The following FRMPD4 variants were observed in gnomAD, a reference collection of about 807,000 sequenced individuals.
The protein encoded by FRMPD4 is FERM and PDZ domain-containing protein 4.
FRMPD4 carries 22 observed loss-of-function variants against 94.1 expected under a neutral mutation model. The ratio of observed to expected loss-of-function variants is 0.23; its 90% CI spans 0.17 to 0.33. The LOEUF is 0.33. Among genes scored for constraint, FRMPD4 ranks in the 10% least tolerant of loss-of-function variants. FRMPD4 has a pLI of 1.00. For missense variants in FRMPD4, 1,111 were observed against 1,339.9 expected (o/e 0.83, Z 2.67); for synonymous variants, 631 against 548.6 (o/e 1.15, Z -2.10).
At chrX:11,943,023 T>A (rs2054170026) in intron 3 of FRMPD4, among the ~76,000 whole-genome samples, 1 of 112,080 alleles carries the variant, frequency 8.9e-6, no homozygotes, top group South Asian at 3.7e-4. Context: ...ATTTGGTAAG[T>A]GGCATAAAAG....
intron 1 of FRMPD4, among the ~76,000 whole-genome samples, chrX:12,418,346 C>CTTTTTT (rs1569268568): frequency 3.0e-4 from 17 of 57,458 alleles, no homozygotes; most frequent in Admixed American, 2.4e-4. Context: ...ATCAGTGTTT[C>CTTTTTT]TTTCTTTTTT....
intron 4 of FRMPD4, among the ~76,000 whole-genome samples, chrX:12,647,171 T>C (rs915119633): frequency 2.7e-5 from 3 of 112,193 alleles, no homozygotes; most frequent in Non-Finnish European, 5.6e-5. Context: ...CTATGACTAA[T>C]TGATCTTAGT....
At chrX:12,482,949 G>C (rs894149278) in intron 1 of FRMPD4, among the ~76,000 whole-genome samples, 2 of 111,916 alleles carry the variant, frequency 1.8e-5, no homozygotes, top group Non-Finnish European at 3.8e-5. Flanking sequence ...CTTGGAGGAT[G>C]AACAATTAAA....
In FRMPD4 at chrX:12,721,064, C is replaced by T. The variant is rs1224264192; in HGVS notation, c.4495C>T (p.Arg1499Trp). The change falls in exon 17 of 17, where the codon CGG becomes TGG. Residue 1499 changes from arginine (R) to tryptophan (W), a missense_variant. Coordinates refer to ENST00000675598, the MANE Select transcript of FRMPD4 (RefSeq NM_001368397.1). Reference sequence around the variant, plus strand: ...GCTGGAGGGCAGCAATTGGAGATGCCGGGGACCCTTCAGCTATTGCTTCCT... The same window carrying T: ...GCTGGAGGGCAGCAATTGGAGATGCTGGGGACCCTTCAGCTATTGCTTCCT... ...RKLEGSNWRC[R>W]GPFSYCFLNR... 8.0e-6 allele frequency: 6 copies of T among 753,828 alleles called. No homozygotes were observed. The highest frequency in any genetic ancestry group is 3.1e-4 in the East Asian group (2 of 6,552). The allele number at this position is 753,828 out of a possible 1,213,427, so 62.1% of individuals were successfully genotyped here. A position where few individuals can be genotyped will look rare whatever the true frequency, so the allele number is the denominator to read the frequency against.
intron 2 of FRMPD4, among the ~76,000 whole-genome samples, chrX:12,579,271 T>A (rs2058841282): frequency 8.9e-6 from 1 of 112,574 alleles, no homozygotes. Context: ...ATTCTTCCAA[T>A]TTTATAATAC....
chrX:12,310,183 T>C (rs1944825950), intron 1 of FRMPD4, among the ~76,000 whole-genome samples: 1 of 107,379 alleles, frequency 9.3e-6, no homozygotes, highest in African/African-American at 3.4e-5. Context: ...TAAAGGAAAA[T>C]TACAGTCAAA....
At chrX:11,832,142 T>G (rs2053478447) in intron 1 of FRMPD4, among the ~76,000 whole-genome samples, 1 of 111,601 alleles carries the variant, frequency 9.0e-6, no homozygotes, top group Admixed American at 9.6e-5. Flanking sequence ...TCCCTGGTTC[T>G]GTTACGTTAT....
chrX:11,878,396 T>C (rs962287520), intron 3 of FRMPD4, among the ~76,000 whole-genome samples: 2 of 112,375 alleles, frequency 1.8e-5, no homozygotes, highest in Non-Finnish European at 3.8e-5. Flanking sequence ...AACTTTTGGC[T>C]GCACTTTTTA....
At chrX:11,915,755 T>C (rs886544172) in intron 3 of FRMPD4, among the ~76,000 whole-genome samples, 23 of 111,199 alleles carry the variant, frequency 2.1e-4, no homozygotes, top group Admixed American at 5.7e-4. Flanking sequence ...ACCTCTGGAG[T>C]CAGACTGATT....
intron 1 of FRMPD4, among the ~76,000 whole-genome samples, chrX:12,182,824 A>G (rs1179872168): frequency 1.8e-5 from 2 of 111,450 alleles, no homozygotes; most frequent in African/African-American, 3.3e-5. Flanking sequence ...TTTTACCGAC[A>G]AATCTGACAC....
chrX:12,416,480 G>T (rs769720620), intron 1 of FRMPD4, among the ~76,000 whole-genome samples: 7 of 112,158 alleles, frequency 6.2e-5, no homozygotes, highest in Non-Finnish European at 1.3e-4. Flanking sequence ...CTTAAACACA[G>T]TTCTATTACT....
intron 3 of FRMPD4, among the ~76,000 whole-genome samples, chrX:12,053,111 G>T (rs780422595): frequency 7.4e-4 from 82 of 110,189 alleles, no homozygotes; most frequent in African/African-American, 2.7e-3. Flanking sequence ...ACTGAGGCGG[G>T]CTGATCACTT....
intron 3 of FRMPD4, among the ~76,000 whole-genome samples, chrX:11,993,391 T>C (rs771911458): frequency 1.3e-4 from 15 of 111,225 alleles, no homozygotes; most frequent in Non-Finnish European, 2.3e-4. Context: ...TCCTACACAT[T>C]GTGTGACGCC....
intron 1 of FRMPD4, among the ~76,000 whole-genome samples, chrX:12,349,002 A>T (rs1027324531): frequency 1.8e-5 from 2 of 112,305 alleles, no homozygotes; most frequent in African/African-American, 6.5e-5. Context: ...CTGGAAGAAA[A>T]GGGAGAGCTC....
intron 1 of FRMPD4, among the ~76,000 whole-genome samples, chrX:12,472,000 A>C (rs1806690559): frequency 1.8e-5 from 2 of 112,850 alleles, no homozygotes; most frequent in African/African-American, 6.4e-5. Flanking sequence ...AATTAGCCAC[A>C]GAATTGCACT....
At chrX:12,319,252 C>T (rs4272560) in intron 1 of FRMPD4, among the ~76,000 whole-genome samples, 11,806 of 111,697 alleles carry the variant, frequency 0.11, 1,479 homozygotes, top group African/African-American at 0.36. Flanking sequence ...GTAATGCCAC[C>T]GTGGAAAAGA....
intron 3 of FRMPD4, among the ~76,000 whole-genome samples, chrX:12,049,399 G>A (rs765369807): frequency 4.4e-4 from 49 of 111,201 alleles, no homozygotes; most frequent in African/African-American, 1.6e-3. Flanking sequence ...GAGTCTTAAG[G>A]GTTTCCTAGG....
At chrX:12,694,291 A>C in intron 8 of FRMPD4, 44 bp from the exon 9 acceptor site, 1 of 1,142,927 alleles carries the variant, frequency 8.7e-7, no homozygotes, top group Non-Finnish European at 1.2e-6. Context: ...GCCATTTCTC[A>C]GTCAGCACTG....
At chrX:12,207,676 A>G (rs949764171) in intron 1 of FRMPD4, among the ~76,000 whole-genome samples, 1 of 107,514 alleles carries the variant, frequency 9.3e-6, no homozygotes, top group Non-Finnish European at 1.9e-5. Context: ...GCTCAAGCAG[A>G]AGGTGGCATT....
Sources: gnomAD v4.1 joint callset for allele counts (sites outside exome capture counted in the v4.1 genomes callset) on GRCh38, gnomAD v4.1.1 for gene constraint, MANE v1.5 for transcripts, NCBI Gene and HGNC (gene_info 2026-07-23, HGNC 2026-07-21) for gene names.